The following N4BP2 variants were observed in gnomAD, a reference collection of about 807,000 sequenced individuals.
The protein encoded by N4BP2 is NEDD4 binding protein 2.
In N4BP2, 91 loss-of-function variants were observed where a neutral mutation model predicts 152.8. That is an observed-to-expected ratio of 0.60 (90% CI 0.50 to 0.71). The LOEUF is 0.71. N4BP2 is among the 30% of genes least tolerant of loss of function. The pLI, the probability that N4BP2 is intolerant of heterozygous loss-of-function variation, is 0.00. For synonymous variants in N4BP2, 646 were observed against 705.3 expected (o/e 0.92, Z 1.33); for missense variants, 1,923 against 2,059.1 (o/e 0.93, Z 1.28).
At chr4:40,111,087 GTTGT>G (rs1425595188) in intron 5 of N4BP2, among the ~76,000 whole-genome samples, 2 of 151,996 alleles carry the variant, frequency 1.3e-5, no homozygotes, top group East Asian at 1.9e-4. Flanking sequence ...ATTTGTTTTT[GTTGT>G]TTGTTTTTAA....
chr4:40,153,671 A>G (rs1721341641), intron 17 of N4BP2, among the ~76,000 whole-genome samples: 1 of 152,200 alleles, frequency 6.6e-6, no homozygotes, highest in Non-Finnish European at 1.5e-5. Flanking sequence ...ATCGAAAATG[A>G]TAGCATAAGT....
intron 5 of N4BP2, among the ~76,000 whole-genome samples, chr4:40,110,299 A>G (rs540902144): frequency 1.1e-4 from 17 of 152,236 alleles, no homozygotes; most frequent in Non-Finnish European, 2.4e-4. Flanking sequence ...GTCTATGTCT[A>G]ACCTTTTTAG....
intron 2 of N4BP2, among the ~76,000 whole-genome samples, chr4:40,083,379 T>C (rs184828851): frequency 1.3e-5 from 2 of 152,300 alleles, no homozygotes; most frequent in Admixed American, 1.3e-4. Flanking sequence ...CAAACTCTTA[T>C]ACAAATGTTC....
chr4:40,148,894 C>T (rs1720875567), intron 16 of N4BP2, among the ~76,000 whole-genome samples: 1 of 151,914 alleles, frequency 6.6e-6, no homozygotes, highest in Non-Finnish European at 1.5e-5. Context: ...TAGGTTGTTT[C>T]ACCCAGCCTG....
In N4BP2 at chr4:40,126,239, C is replaced by T; in HGVS notation, c.4436C>T (p.Pro1479Leu). 9 of 1,604,976 alleles carry T rather than the reference C, an allele frequency of 5.6e-6. No individual in the cohort carries two copies. Among genetic ancestry groups the T allele is most frequent in the Non-Finnish European group, 7.7e-6 (9 of 1,174,482 alleles). The change falls in exon 12 of 18, where the codon CCT becomes CTT. Residue 1479 changes from proline to leucine, a missense_variant. Physicochemically the swap from Pro to Leu is moderately conservative, Grantham distance 98. Coordinates refer to ENST00000261435, the MANE Select transcript of N4BP2 (RefSeq NM_018177.6). ...ACTTTAACAGCATCTGAAATGCTAC[C>T]TTTATTGGATCATTGGAATACTCAA... ...LKTLTASEML[P>L]LLDHWNTQTK...
chr4:40,082,144 C>T (rs7683639), intron 2 of N4BP2, among the ~76,000 whole-genome samples: 2 of 151,848 alleles, frequency 1.3e-5, no homozygotes, highest in African/African-American at 2.4e-5. Flanking sequence ...GGTGTGGTAG[C>T]GAGCGCCTGT....
rs1560615118 is a variant in N4BP2 at position 40,121,085 on chromosome 4, C to G, written c.2974C>G (p.Pro992Ala). The G allele has an allele frequency of 6.2e-7, 1 of 1,614,044 alleles. No homozygotes were observed. Among genetic ancestry groups the G allele is most frequent in the Non-Finnish European group, 8.5e-7 (1 of 1,180,002 alleles). Residue 992 changes from proline (P) to alanine (A), a missense_variant, in exon 9 of 18, where the codon CCA (proline) becomes GCA (alanine). Pro to Ala is a conservative substitution (Grantham distance 27, BLOSUM62 -1). Coordinates refer to ENST00000261435, the MANE Select transcript of N4BP2 (RefSeq NM_018177.6). ...ACCAACTGTTTCTGGAGTAGTAGAA[C>G]CACAAACGTTAGCTGAATGTCAAGA... Reference protein sequence around the residue: ...SAPTVSGVVEPQTLAECQEQM... With the variant: ...SAPTVSGVVEAQTLAECQEQM...
intron 3 of N4BP2, among the ~76,000 whole-genome samples, chr4:40,098,573 A>G (rs1420845319): frequency 6.6e-6 from 1 of 152,114 alleles, no homozygotes; most frequent in Non-Finnish European, 1.5e-5. Context: ...AGTTTTGGTA[A>G]TGTGTTATAA....
At position 40,121,655 on chromosome 4, in the gene N4BP2, G is replaced by A. The variant is rs1246248934; in HGVS notation, c.3544G>A (p.Gly1182Arg). The change falls in exon 9 of 18, where the codon GGG becomes AGG. Residue 1182 changes from glycine to arginine, a missense_variant. Gly to Arg is a moderately radical substitution (Grantham distance 125). Coordinates refer to ENST00000261435, the MANE Select transcript of N4BP2 (RefSeq NM_018177.6). ...TTCTCCTGTGCCAGAGTTTAGCCATGGGATTGGTATTAGTAACGCTGACTC... is the reference window on the plus strand; with the variant it reads ...TTCTCCTGTGCCAGAGTTTAGCCATAGGATTGGTATTAGTAACGCTGACTC... ...SNSPVPEFSH[G>R]IGISNADSQS... 3 of 1,614,028 alleles carry A rather than the reference G, an allele frequency of 1.9e-6. No homozygotes were observed. The Admixed American group carries it at 5.0e-5, about 27-fold the overall frequency.
chr4:40,097,612 G>T (rs776465677), intron 3 of N4BP2, 43 bp downstream of exon 3: 53 of 1,170,090 alleles, frequency 4.5e-5, no homozygotes, highest in Non-Finnish European at 6.6e-5. Flanking sequence ...CTTATAAGAA[G>T]ACTTTGTGTA....
At chr4:40,109,944 AAC>A (rs1351863080) in intron 5 of N4BP2, among the ~76,000 whole-genome samples, 2 of 152,228 alleles carry the variant, frequency 1.3e-5, no homozygotes. Context: ...CAACTTTTAG[AAC>A]ACGCTAAATT....
chr4:40,189,996 CTT>C, the N4BP2 span, among the ~76,000 whole-genome samples: 9 of 152,046 alleles, frequency 5.9e-5, no homozygotes, highest in African/African-American at 2.2e-4. The surrounding 1 kb of genome is among the most constrained non-coding windows in gnomAD (Gnocchi z 4.3). Flanking sequence ...TTTTAAAAGA[CTT>C]TACATTTTTC....
At chr4:40,117,434 C>A (rs573544893) in intron 7 of N4BP2, among the ~76,000 whole-genome samples, 2 of 152,284 alleles carry the variant, frequency 1.3e-5, no homozygotes, top group East Asian at 1.9e-4. Context: ...TTCATTAAGA[C>A]CAAACCTTTG....
chr4:40,083,594 T>C (rs541289022), intron 2 of N4BP2, among the ~76,000 whole-genome samples: 1 of 152,328 alleles, frequency 6.6e-6, no homozygotes, highest in Non-Finnish European at 1.5e-5. Flanking sequence ...ATGTTTTAGA[T>C]TATACAATTC....
In N4BP2 at chr4:40,117,984, A is replaced by T. The variant is rs775412937; in HGVS notation, c.1780A>T (p.Ile594Phe). 5 of 1,611,066 alleles carry T rather than the reference A, an allele frequency of 3.1e-6. No individual in the cohort carries two copies. The Admixed American group carries it at 8.4e-5, about 27-fold the overall frequency. The change falls in exon 8 of 18, where the codon ATT becomes TTT. Residue 594 changes from isoleucine to phenylalanine, a missense_variant. Transcript: ENST00000261435. Reference protein sequence around the residue: ...SSSVPEKIERIELCAYSCEDR... With the variant: ...SSSVPEKIERFELCAYSCEDR... ...TTCGGTTCCAGAGAAAATTGAACGT[A>T]TTGAGTTGTGTGCATATTCTTGTGA...
rs1399917144 is a variant in N4BP2, at chr4:40,157,898, T to C, written c.*3661T>C. ...GAAACAAGGCTAGAACACATCTACATCCTGAAGAGCCGTTTATAACTTCAT... is the reference window on the plus strand; with the variant it reads ...GAAACAAGGCTAGAACACATCTACACCCTGAAGAGCCGTTTATAACTTCAT... On this transcript the variant is annotated 3_prime_UTR_variant, in exon 18 of 18. Transcript: ENST00000261435. 2 of 152,196 alleles carry C rather than the reference T, an allele frequency of 1.3e-5. No individual in the cohort carries two copies. Among genetic ancestry groups the C allele is most frequent in the Admixed American group, 1.3e-4 (2 of 15,280 alleles). 9.4% of individuals were successfully genotyped at this position (152,196 alleles called of 1,614,324 possible).
At chr4:40,073,304 A>G (rs147680514) in intron 1 of N4BP2, among the ~76,000 whole-genome samples, 151 bp from the exon 2 acceptor site, 1 of 152,276 alleles carries the variant, frequency 6.6e-6, no homozygotes, top group Admixed American at 6.5e-5. Flanking sequence ...CAGTGGCAAT[A>G]AGTGCAGTCT....
At chr4:40,099,959 TG>T in intron 3 of N4BP2, 1 of 325,634 alleles carries the variant, frequency 3.1e-6, no homozygotes, top group Non-Finnish European at 6.4e-6. Flanking sequence ...TTCTGTCCTT[TG>T]TAGTATTGCT....
chr4:40,171,167 T>TA, the N4BP2 span, among the ~76,000 whole-genome samples: 3 of 152,228 alleles, frequency 2.0e-5, no homozygotes, highest in Non-Finnish European at 4.4e-5. Flanking sequence ...GGCTTCCACT[T>TA]TTCTCAGTCT....
Sources: gnomAD v4.1 joint callset for allele counts (sites outside exome capture counted in the v4.1 genomes callset) on GRCh38, gnomAD v4.1.1 for gene constraint, Gnocchi (gnomAD v3.1) non-coding constraint, MANE v1.5 for transcripts, NCBI Gene and HGNC (gene_info 2026-07-23, HGNC 2026-07-21) for gene names.